Variants in RANBP2 observed in about 807,000 individuals in gnomAD.
RANBP2 encodes the protein RAN binding protein 2, also known as E3 SUMO-protein ligase RanBP2.
In RANBP2, 57 loss-of-function variants were observed where a neutral mutation model predicts 303.6. The observed-to-expected ratio is 0.19, with a 90% CI of 0.15 to 0.23. The LOEUF (loss-of-function observed/expected upper bound fraction) is 0.23. Ranked by LOEUF, RANBP2 falls within the 10% of genes least tolerant of loss-of-function variation. The probability of loss-of-function intolerance (pLI) is 1.00; values close to 1 mark genes in which losing one functional copy is unlikely to be tolerated. For synonymous variants in RANBP2, 1,167 were observed against 1,301.5 expected, an observed-to-expected ratio of 0.90 and a Z score of 2.23; for missense variants, 3,138 against 3,780.8, an observed-to-expected ratio of 0.83 and a Z score of 4.46.
chr2:109,031,351 G>C, the RANBP2 span, among the ~76,000 whole-genome samples: 295 of 152,300 alleles, frequency 1.9e-3, 3 homozygotes, highest in African/African-American at 7.0e-3. Context: ...ACGCTCTGCA[G>C]AAGGAGCGGA....
At chr2:109,694,735 T>TGGAGCATTTTGGATTTG in the RANBP2 span, among the ~76,000 whole-genome samples, 1 of 152,054 alleles carries the variant, frequency 6.6e-6, no homozygotes, top group Non-Finnish European at 1.5e-5. Context: ...TTTTGGATTT[T>TGGAGCATTTTGGATTTG]GGAGCATTTT....
At chr2:109,651,825 A>C in the RANBP2 span, among the ~76,000 whole-genome samples, 3 of 152,122 alleles carry the variant, frequency 2.0e-5, no homozygotes, top group Non-Finnish European at 1.5e-5. Flanking sequence ...GGCTTTCAGA[A>C]GTCAGATGAA....
At chr2:109,478,498 T>C in the RANBP2 span, among the ~76,000 whole-genome samples, 2 of 152,240 alleles carry the variant, frequency 1.3e-5, no homozygotes, top group African/African-American at 2.4e-5. Flanking sequence ...CTTCATGCTT[T>C]CCATGAAAAT....
chr2:109,129,737 C>A, the RANBP2 span: 2 of 1,539,246 alleles, frequency 1.3e-6, no homozygotes, highest in Admixed American at 2.0e-5. Context: ...CGCCTGGACA[C>A]CACGGCCAAG....
chr2:108,941,918 C>T, the RANBP2 span, among the ~76,000 whole-genome samples: 1 of 152,356 alleles, frequency 6.6e-6, no homozygotes, highest in Middle Eastern at 3.4e-3. Context: ...TATCAGGTCA[C>T]AGCTGACAAA....
the RANBP2 span, among the ~76,000 whole-genome samples, chr2:109,291,438 C>T: frequency 3.3e-5 from 5 of 152,148 alleles, no homozygotes; most frequent in East Asian, 3.9e-4. Flanking sequence ...GCCTGGCTGC[C>T]GTGCAGGAGT....
chr2:109,429,406 C>T, the RANBP2 span, among the ~76,000 whole-genome samples: 2 of 152,308 alleles, frequency 1.3e-5, no homozygotes, highest in Admixed American at 1.3e-4. Context: ...AGAGGCCGAA[C>T]TTAAAATAGA....
At chr2:109,322,455 C>G in the RANBP2 span, among the ~76,000 whole-genome samples, 1 of 152,146 alleles carries the variant, frequency 6.6e-6, no homozygotes, top group African/African-American at 2.4e-5. Flanking sequence ...GAGAGTTGAG[C>G]TTAAATCAGC....
chr2:109,146,760 G>A, the RANBP2 span, among the ~76,000 whole-genome samples: 2 of 151,074 alleles, frequency 1.3e-5, no homozygotes, highest in African/African-American at 4.9e-5. Flanking sequence ...TCCTTCCTTC[G>A]AAAACTTGCG....
the RANBP2 span, among the ~76,000 whole-genome samples, chr2:109,484,127 G>A: frequency 6.7e-6 from 1 of 150,000 alleles, no homozygotes; most frequent in Non-Finnish European, 1.5e-5. Context: ...GGAGTGCAGT[G>A]GCGTGATCTT....
the RANBP2 span, among the ~76,000 whole-genome samples, chr2:109,313,193 G>T: frequency 1.8e-4 from 27 of 152,218 alleles, no homozygotes; most frequent in Admixed American, 1.8e-3. Flanking sequence ...CCTGGAAAGG[G>T]GTTAGGGAGC....
chr2:109,313,398 A>G, the RANBP2 span, among the ~76,000 whole-genome samples: 1 of 152,238 alleles, frequency 6.6e-6, no homozygotes, highest in South Asian at 2.1e-4. Context: ...GTGAAGTGTC[A>G]TATTTTAAGA....
At chr2:109,484,914 C>T in the RANBP2 span, among the ~76,000 whole-genome samples, 1 of 152,220 alleles carries the variant, frequency 6.6e-6, no homozygotes, top group Admixed American at 6.5e-5. Flanking sequence ...TCTCAGGTCA[C>T]AAAAACATCT....
At chr2:109,622,061 T>C in the RANBP2 span, among the ~76,000 whole-genome samples, 1 of 152,204 alleles carries the variant, frequency 6.6e-6, no homozygotes, top group Non-Finnish European at 1.5e-5. Flanking sequence ...AGGTTAAGAC[T>C]AAGACGGCTA....
chr2:109,721,610 G>C, the RANBP2 span, among the ~76,000 whole-genome samples: 1 of 152,264 alleles, frequency 6.6e-6, no homozygotes, highest in Non-Finnish European at 1.5e-5. Flanking sequence ...GAGGCCATCA[G>C]AAAGGGTGGT....
chr2:109,446,239 A>C, the RANBP2 span, among the ~76,000 whole-genome samples: 2 of 152,144 alleles, frequency 1.3e-5, no homozygotes, highest in Non-Finnish European at 2.9e-5. Context: ...CAGTGGTTCC[A>C]TTCTGTGAAA....
Position 108,765,473 on chromosome 2 carries a change from C to A in RANBP2, c.4934C>A (p.Pro1645His). 4 of 1,552,450 alleles carry A rather than the reference C, an allele frequency of 2.6e-6. No homozygotes were observed. The highest frequency in any genetic ancestry group is 3.5e-6 in the Non-Finnish European group (4 of 1,154,786). Residue 1645 changes from proline to histidine, a missense_variant, in exon 20 of 29, where the codon CCT (proline) becomes CAT (histidine). Pro to His is a moderately conservative substitution (Grantham distance 77). Coordinates refer to ENST00000283195, the MANE Select transcript of RANBP2 (RefSeq NM_006267.5). ...QNQTTSAVSTPASSETSKAPK... is the reference protein window; with the variant it reads ...QNQTTSAVSTHASSETSKAPK... ...CAAACTACTTCTGCAGTTTCAACACCTGCCTCTTCAGAGACAAGCAAGGCT... is the reference window on the plus strand; with the variant it reads ...CAAACTACTTCTGCAGTTTCAACACATGCCTCTTCAGAGACAAGCAAGGCT...
the RANBP2 span, among the ~76,000 whole-genome samples, chr2:108,970,803 C>T: frequency 6.6e-6 from 1 of 152,204 alleles, no homozygotes; most frequent in South Asian, 2.1e-4. Context: ...GGAAAATACA[C>T]TTTAATTTGT....
At chr2:109,051,498 G>A in the RANBP2 span, among the ~76,000 whole-genome samples, 471 of 152,276 alleles carry the variant, frequency 3.1e-3, 1 homozygote, top group African/African-American at 6.6e-3. Flanking sequence ...AGAGTCGTCC[G>A]CAATGTGCAG....
Sources: gnomAD v4.1 joint callset for allele counts (sites outside exome capture counted in the v4.1 genomes callset) on GRCh38, gnomAD v4.1.1 for gene constraint, MANE v1.5 for transcripts, NCBI Gene and HGNC (gene_info 2026-07-23, HGNC 2026-07-21) for gene names.